The following PLAC1 variants were observed in gnomAD, a reference collection of about 807,000 sequenced individuals.
PLAC1 encodes placenta-specific protein 1.
For missense variants in PLAC1, 136 were observed against 163.2 expected, an observed-to-expected ratio of 0.83 and a Z score of 0.91; for synonymous variants, 68 against 62.1, an observed-to-expected ratio of 1.09 and a Z score of -0.44.
At chrX:134,614,098 A>G (rs2078167651) in intron 1 of PLAC1, among the ~76,000 whole-genome samples, 1 of 109,411 alleles carries the variant, frequency 9.1e-6, no homozygotes, top group South Asian at 4.0e-4. Flanking sequence ...CCCAGGGCCC[A>G]CCTCCTCCAG....
intron 2 of PLAC1, among the ~76,000 whole-genome samples, chrX:134,702,034 C>A (rs1348216492): frequency 1.8e-5 from 2 of 111,320 alleles, no homozygotes; most frequent in Non-Finnish European, 3.8e-5. Flanking sequence ...CAAACGAACA[C>A]AATGAAATAC....
intron 2 of PLAC1, among the ~76,000 whole-genome samples, chrX:134,681,637 A>G (rs1436360332): frequency 2.7e-5 from 3 of 111,795 alleles, no homozygotes; most frequent in Non-Finnish European, 3.8e-5. Flanking sequence ...GAAGGTAAAG[A>G]TGAAAAAGCA....
At chrX:134,645,339 T>C (rs1382162261) in intron 1 of PLAC1, among the ~76,000 whole-genome samples, 1 of 112,202 alleles carries the variant, frequency 8.9e-6, no homozygotes, top group African/African-American at 3.2e-5. Context: ...AAGTACTTAT[T>C]CATTTTCACC....
At chrX:134,720,276 A>G (rs1005536476) in intron 2 of PLAC1, among the ~76,000 whole-genome samples, 2 of 112,423 alleles carry the variant, frequency 1.8e-5, no homozygotes, top group Non-Finnish European at 3.8e-5. Flanking sequence ...AAATAAATTT[A>G]ACAAATGAAG....
chrX:134,704,529 AT>A (rs1482783353), intron 2 of PLAC1, among the ~76,000 whole-genome samples: 3 of 105,980 alleles, frequency 2.8e-5, no homozygotes, highest in Admixed American at 1.0e-4. Context: ...ACAAAAAAAA[AT>A]AAAACATAGT....
chrX:134,661,635 C>T (rs991577440), upstream of PLAC1, among the ~76,000 whole-genome samples: 1 of 112,120 alleles, frequency 8.9e-6, no homozygotes, highest in Non-Finnish European at 1.9e-5. Flanking sequence ...TAGAGACAGA[C>T]CTCTTTTTGA....
chrX:134,666,394 G>A (rs745732538), intron 2 of PLAC1, among the ~76,000 whole-genome samples: 7 of 110,597 alleles, frequency 6.3e-5, no homozygotes, highest in Admixed American at 1.9e-4. Flanking sequence ...CTGTGTGACC[G>A]GCAAAGAAGA....
chrX:134,761,448 G>T (rs1277252757), intron 1 of PLAC1, among the ~76,000 whole-genome samples: 1 of 112,134 alleles, frequency 8.9e-6, no homozygotes, highest in Non-Finnish European at 1.9e-5. Context: ...GGATCGGGGG[G>T]AAGGGAACTC....
intron 1 of PLAC1, among the ~76,000 whole-genome samples, chrX:134,638,485 T>C (rs1237507210): frequency 1.8e-5 from 2 of 112,623 alleles, no homozygotes; most frequent in Non-Finnish European, 3.7e-5. Flanking sequence ...ATGATTCAAA[T>C]AGAAAATCAG....
At chrX:134,760,194 T>A (rs1247898548) in intron 1 of PLAC1, 1 of 112,309 alleles carries the variant, frequency 8.9e-6, no homozygotes, top group Non-Finnish European at 1.9e-5. Context: ...TCTTCATTTC[T>A]ATTTTTAGTT....
At chrX:134,625,581 T>C (rs1440287395) in intron 1 of PLAC1, among the ~76,000 whole-genome samples, 6 of 111,784 alleles carry the variant, frequency 5.4e-5, no homozygotes, top group African/African-American at 1.3e-4. Flanking sequence ...CCCTCCTTCT[T>C]TGTCAATTGT....
intron 2 of PLAC1, among the ~76,000 whole-genome samples, chrX:134,597,047 A>G (rs933418222): frequency 9.0e-6 from 1 of 111,392 alleles, no homozygotes; most frequent in African/African-American, 3.3e-5. Flanking sequence ...GTCTTTTGCC[A>G]AATTTGGAAA....
intron 2 of PLAC1, among the ~76,000 whole-genome samples, chrX:134,710,498 T>C (rs1348559837): frequency 8.9e-6 from 1 of 111,750 alleles, no homozygotes; most frequent in Non-Finnish European, 1.9e-5. Context: ...TCCAATCCAG[T>C]GTGCAAAGAC....
intron 2 of PLAC1, among the ~76,000 whole-genome samples, chrX:134,668,749 G>A (rs139347061): frequency 4.4e-5 from 5 of 112,517 alleles, no homozygotes; most frequent in African/African-American, 1.6e-4. Context: ...TTCTAGGACC[G>A]GGAAAGACTT....
At chrX:134,577,533 G>A (rs2077946035) in intron 2 of PLAC1, among the ~76,000 whole-genome samples, 1 of 111,480 alleles carries the variant, frequency 9.0e-6, no homozygotes. Flanking sequence ...CACTAAAAAT[G>A]CAAAAATTAG....
At chrX:134,721,740 G>A (rs1182403836) in intron 2 of PLAC1, among the ~76,000 whole-genome samples, 3 of 110,297 alleles carry the variant, frequency 2.7e-5, no homozygotes, top group African/African-American at 6.6e-5. Flanking sequence ...GCATGCGCCT[G>A]TAATCCCAGC....
intron 1 of PLAC1, among the ~76,000 whole-genome samples, chrX:134,746,484 T>C (rs959188907): frequency 3.6e-5 from 4 of 111,948 alleles, no homozygotes; most frequent in East Asian, 2.8e-4. Context: ...GATAGGATTG[T>C]GGTCACCTTG....
chrX:134,725,314 C>T (rs1602937941), intron 2 of PLAC1, among the ~76,000 whole-genome samples: 1 of 110,992 alleles, frequency 9.0e-6, no homozygotes, highest in South Asian at 3.9e-4. Context: ...CTCCCCTTAC[C>T]CCCTCTCTTC....
At chrX:134,598,126 T>G (rs974492798) in intron 2 of PLAC1, among the ~76,000 whole-genome samples, 1 of 112,510 alleles carries the variant, frequency 8.9e-6, no homozygotes, top group Non-Finnish European at 1.9e-5. Context: ...AAGTTGACTT[T>G]TAGGATCCCA....
Sources: allele counts gnomAD v4.1 joint callset (sites outside exome capture counted in the v4.1 genomes callset), GRCh38; gene constraint gnomAD v4.1.1; transcripts MANE v1.5; gene names NCBI Gene and HGNC (gene_info 2026-07-23, HGNC 2026-07-21).